GSK3B: variants seen among roughly 807,000 people sequenced by gnomAD.
GSK3B encodes glycogen synthase kinase-3 beta.
GSK3B carries 15 observed loss-of-function variants against 56.4 expected under a neutral mutation model. The observed-to-expected ratio is 0.27, with a 90% CI of 0.18 to 0.41. The LOEUF (loss-of-function observed/expected upper bound fraction) is 0.41. GSK3B is among the 10% of genes least tolerant of loss of function. The probability of loss-of-function intolerance (pLI) is 1.00; values close to 1 mark genes in which losing one functional copy is unlikely to be tolerated. For synonymous variants in GSK3B, 181 were observed against 188.9 expected, an observed-to-expected ratio of 0.96 and a Z score of 0.34; for missense variants, 300 against 513.4, an observed-to-expected ratio of 0.58 and a Z score of 4.02.
At chr3:119,881,218 C>T (rs987240098) in intron 7 of GSK3B, among the ~76,000 whole-genome samples, 4 of 152,136 alleles carry the variant, frequency 2.6e-5, no homozygotes, top group East Asian at 1.9e-4. Flanking sequence ...ATGCACACAA[C>T]ATGACTGCCT....
chr3:119,882,231 G>T (rs1459910504), intron 7 of GSK3B, among the ~76,000 whole-genome samples: 2 of 151,566 alleles, frequency 1.3e-5, no homozygotes, highest in East Asian at 3.9e-4. Flanking sequence ...AAACAGTTGA[G>T]AAACATATGC....
Position 119,826,882 on chromosome 3 carries a change from A to G in GSK3B, c.1196-27T>C, listed in dbSNP as rs778192357. The G allele has an allele frequency of 7.7e-6, 11 of 1,424,732 alleles. No homozygotes were observed. In the South Asian group the frequency reaches 1.3e-4, roughly 16 times the overall value. 88.3% of individuals were successfully genotyped at this position (1,424,732 alleles called of 1,614,324 possible). ...TGCAAGTCAAAAAGTCCCAAGAGAG[A>G]GCATGAGCAATGCTATAACAACAAA... On this transcript the variant is annotated intron_variant, in intron 10 of 10. Transcript: ENST00000264235.
chr3:119,918,192 C>T (rs181618966), intron 4 of GSK3B, among the ~76,000 whole-genome samples: 10 of 152,126 alleles, frequency 6.6e-5, no homozygotes, highest in Admixed American at 1.3e-4. Flanking sequence ...TGGTGGAGGC[C>T]GGGCGCGGTG....
intron 1 of GSK3B, among the ~76,000 whole-genome samples, chr3:120,065,009 G>A (rs1383631379): frequency 1.3e-5 from 2 of 151,982 alleles, no homozygotes; most frequent in African/African-American, 4.8e-5. Context: ...TATGAAATAA[G>A]ACTACAAACC....
chr3:120,001,020 G>A (rs1252238006), intron 2 of GSK3B, among the ~76,000 whole-genome samples: 1 of 149,560 alleles, frequency 6.7e-6, no homozygotes, highest in East Asian at 2.0e-4. Flanking sequence ...TGCCTCCCGG[G>A]TTCACGCCAT....
intron 10 of GSK3B, among the ~76,000 whole-genome samples, chr3:119,837,928 T>C: frequency 8.1e-6 from 1 of 122,724 alleles, no homozygotes; most frequent in South Asian, 2.8e-4. Flanking sequence ...GAACATTTCC[T>C]ACGTTGACCA....
chr3:119,949,378 T>C (rs2057131902), intron 2 of GSK3B, among the ~76,000 whole-genome samples: 1 of 152,148 alleles, frequency 6.6e-6, no homozygotes, highest in African/African-American at 2.4e-5. Flanking sequence ...CAAGCCTGAA[T>C]GATATGAAGG....
intron 7 of GSK3B, among the ~76,000 whole-genome samples, chr3:119,894,582 T>C (rs981027019): frequency 7.2e-5 from 11 of 151,876 alleles, no homozygotes; most frequent in Admixed American, 2.6e-4. Flanking sequence ...GCCGATTCTT[T>C]GTCCATTTTT....
At chr3:119,978,948 G>T (rs1399876493) in intron 2 of GSK3B, among the ~76,000 whole-genome samples, 2 of 152,260 alleles carry the variant, frequency 1.3e-5, no homozygotes, top group Non-Finnish European at 1.5e-5. Flanking sequence ...TCTGTCTTTT[G>T]TCTGGGGATG....
chr3:119,947,763 C>T (rs2057114093), intron 2 of GSK3B, among the ~76,000 whole-genome samples: 2 of 151,436 alleles, frequency 1.3e-5, no homozygotes, highest in South Asian at 4.2e-4. Context: ...AATAGCTTGA[C>T]CTTATTGTTT....
At chr3:119,887,766 C>T (rs1366638591) in intron 7 of GSK3B, among the ~76,000 whole-genome samples, 1 of 151,956 alleles carries the variant, frequency 6.6e-6, no homozygotes, top group Non-Finnish European at 1.5e-5. Context: ...GTTCAATGAA[C>T]CTTAATGAGG....
chr3:119,937,758 T>A (rs1239151708), intron 3 of GSK3B, among the ~76,000 whole-genome samples: 1 of 146,284 alleles, frequency 6.8e-6, no homozygotes, highest in African/African-American at 2.5e-5. Context: ...AGGAAGGAAA[T>A]AAGAAATATA....
At chr3:119,971,185 G>A (rs538051416) in intron 2 of GSK3B, among the ~76,000 whole-genome samples, 1 of 152,302 alleles carries the variant, frequency 6.6e-6, no homozygotes. Context: ...ACCTCAGAAT[G>A]CTGTAGGTTT....
chr3:120,008,432 G>C (rs2057748415), intron 1 of GSK3B, among the ~76,000 whole-genome samples: 1 of 152,192 alleles, frequency 6.6e-6, no homozygotes, highest in East Asian at 1.9e-4. Flanking sequence ...CAAAGCTGGA[G>C]GCATCATGTA....
rs59269062 is a variant in GSK3B at position 119,955,105 on chromosome 3, C to CA, written c.283-7755dup. On this transcript the variant is annotated intron_variant, in intron 2 of 10. Coordinates refer to ENST00000264235, the MANE Select transcript of GSK3B (RefSeq NM_001146156.2). ...ATATTTTCCCAAAGTACACCTTCTG[C>CA]AAAAAAAATGAAGGTTATCCAAAGT... 6.6e-5 allele frequency among the ~76,000 whole-genome samples: 10 copies of CA among 150,534 alleles called. No homozygotes were observed. The East Asian group carries it at 7.8e-4, about 12-fold the overall frequency.
At chr3:120,004,118 C>G (rs1434608206) in intron 1 of GSK3B, among the ~76,000 whole-genome samples, 2 of 152,240 alleles carry the variant, frequency 1.3e-5, no homozygotes, top group African/African-American at 2.4e-5. Context: ...TCGGCGGGTC[C>G]CACGCCCACA....
chr3:120,068,287 A>C (rs1422820950), intron 1 of GSK3B, among the ~76,000 whole-genome samples: 1 of 150,916 alleles, frequency 6.6e-6, no homozygotes, highest in Non-Finnish European at 1.5e-5. Context: ...GCTACTCAGG[A>C]GGCTGAGGCA....
chr3:119,840,229 T>C (rs570795132), intron 10 of GSK3B, among the ~76,000 whole-genome samples: 194 of 152,022 alleles, frequency 1.3e-3, no homozygotes, highest in African/African-American at 4.4e-3. Flanking sequence ...CGAGAATTTT[T>C]TTTTTTTTTT....
chr3:120,072,383 A>ACCATGGTAGTTCG (rs2058333920), intron 1 of GSK3B, among the ~76,000 whole-genome samples: 1 of 152,136 alleles, frequency 6.6e-6, no homozygotes, highest in African/African-American at 2.4e-5. Context: ...CACAGCGAAC[A>ACCATGGTAGTTCG]CCATGGTAGT....
Sources: gnomAD v4.1 joint callset for allele counts (sites outside exome capture counted in the v4.1 genomes callset) on GRCh38, gnomAD v4.1.1 for gene constraint, MANE v1.5 for transcripts, NCBI Gene and HGNC (gene_info 2026-07-23, HGNC 2026-07-21) for gene names.